ZNF827: variants seen among roughly 807,000 people sequenced by gnomAD.
ZNF827 encodes the protein zinc finger protein 827.
Under a neutral mutation model 102.4 loss-of-function variants are expected in ZNF827, and 13 were observed. That is an observed-to-expected ratio of 0.13 (90% CI 0.08 to 0.20). ZNF827 has a LOEUF of 0.20. Ranked by LOEUF, ZNF827 falls within the 10% of genes least tolerant of loss-of-function variation. ZNF827 has a pLI of 1.00. For synonymous variants in ZNF827, 523 were observed against 536.2 expected, an observed-to-expected ratio of 0.98 and a Z score of 0.34; for missense variants, 1,103 against 1,344.4, an observed-to-expected ratio of 0.82 and a Z score of 2.81.
intron 1 of ZNF827, among the ~76,000 whole-genome samples, chr4:145,904,968 G>A (rs1266179536): frequency 1.3e-5 from 2 of 152,208 alleles, no homozygotes; most frequent in Non-Finnish European, 2.9e-5. Context: ...TAGGATCCAG[G>A]TGGGGATTAT....
chr4:145,805,964 C>A (rs1242253936), intron 8 of ZNF827, among the ~76,000 whole-genome samples: 1 of 151,956 alleles, frequency 6.6e-6, no homozygotes, highest in Non-Finnish European at 1.5e-5. Flanking sequence ...CCCAAACCCC[C>A]TCTTTCCCTT....
Position 145,863,910 on chromosome 4 carries a change from T to A in ZNF827, c.1981+6335A>T, listed in dbSNP as rs993638525. 1.4e-4 allele frequency among the ~76,000 whole-genome samples: 21 copies of A among 152,256 alleles called. No homozygotes were observed. In the South Asian group the frequency reaches 3.9e-3, roughly 29 times the overall value. On this transcript the variant is annotated intron_variant, in intron 5 of 14. Transcript: ENST00000508784. ...TATGTGAATTATATTTTAATAAAGATGGGCCAGGCGCAGTGGCTCACCCCT... is the reference window on the plus strand; with the variant it reads ...TATGTGAATTATATTTTAATAAAGAAGGGCCAGGCGCAGTGGCTCACCCCT...
At chr4:145,769,371 A>G (rs777639860) in intron 11 of ZNF827, among the ~76,000 whole-genome samples, 2 of 152,178 alleles carry the variant, frequency 1.3e-5, no homozygotes, top group Non-Finnish European at 2.9e-5. Context: ...GAGACCCTGA[A>G]TCCCTGATAC....
In ZNF827 at chr4:145,760,016, G is replaced by A. The variant is rs1734275230; in HGVS notation, c.*1600C>T. 1 of 152,238 alleles carries A rather than the reference G, an allele frequency of 6.6e-6. No homozygotes were observed. Among genetic ancestry groups the A allele is most frequent in the South Asian group, 2.1e-4 (1 of 4,832 alleles). 9.4% of individuals were successfully genotyped at this position (152,238 alleles called of 1,614,324 possible). ...TAAGTTCTGTGATGTTAGCTGCAGTGCTGCGAGATATTTCTTCCAGATCAG... is the reference window on the plus strand; with the variant it reads ...TAAGTTCTGTGATGTTAGCTGCAGTACTGCGAGATATTTCTTCCAGATCAG... On this transcript the variant is annotated 3_prime_UTR_variant, in exon 15 of 15. Transcript: ENST00000508784.
chr4:145,932,029 A>C (rs1460463866), intron 1 of ZNF827, among the ~76,000 whole-genome samples: 1 of 152,174 alleles, frequency 6.6e-6, no homozygotes, highest in Non-Finnish European at 1.5e-5. Context: ...TGCGTTTATA[A>C]AAGGGGCCCT....
At chr4:145,928,334 T>C (rs891163567) in intron 1 of ZNF827, among the ~76,000 whole-genome samples, 2 of 152,184 alleles carry the variant, frequency 1.3e-5, no homozygotes, top group Non-Finnish European at 2.9e-5. Flanking sequence ...TCTGGGGGTG[T>C]TTGTATTTTT....
intron 3 of ZNF827, among the ~76,000 whole-genome samples, chr4:145,888,364 G>C (rs768348808): frequency 2.6e-5 from 4 of 152,022 alleles, no homozygotes; most frequent in Non-Finnish European, 5.9e-5. Flanking sequence ...GATCTTCTTA[G>C]TCTACTAAAA....
At chr4:145,930,206 C>G (rs1753701498) in intron 1 of ZNF827, among the ~76,000 whole-genome samples, 1 of 152,216 alleles carries the variant, frequency 6.6e-6, no homozygotes, top group Non-Finnish European at 1.5e-5. Flanking sequence ...AAACATCTAT[C>G]ACCCTCCACA....
At position 145,835,746 on chromosome 4, in the gene ZNF827, G is replaced by A. The variant is rs185449453; in HGVS notation, c.2279+10210C>T. On this transcript the variant is annotated intron_variant, in intron 7 of 14. Transcript: ENST00000508784. ...CCACTCAACGCCAGTATCCCATCCC[G>A]CAGCACGCTTTAAAAGGATTAGAGC... is the stretch of plus-strand genomic sequence containing the variant. 3.4e-3 allele frequency among the ~76,000 whole-genome samples: 401 copies of A among 117,270 alleles called. 18 individuals carry two copies. Among genetic ancestry groups the A allele is most frequent in the Middle Eastern group, 7.8e-3 (2 of 256 alleles). 76.9% of individuals were successfully genotyped at this position (117,270 alleles called of 152,430 possible). A position where few individuals can be genotyped will look rare whatever the true frequency, so the allele number is the denominator to read the frequency against.
chr4:145,893,033 G>A (rs1750726242), intron 2 of ZNF827, among the ~76,000 whole-genome samples: 1 of 152,160 alleles, frequency 6.6e-6, no homozygotes, highest in African/African-American at 2.4e-5. Flanking sequence ...GGGTCTTAAG[G>A]TCAGGGTTTT....
chr4:145,852,648 C>A (rs1746650014), intron 5 of ZNF827, among the ~76,000 whole-genome samples: 1 of 152,144 alleles, frequency 6.6e-6, no homozygotes, highest in Non-Finnish European at 1.5e-5. Context: ...ACATTTGGGG[C>A]TGGATAATCT....
At chr4:145,885,507 G>A (rs1183491214) in intron 4 of ZNF827, among the ~76,000 whole-genome samples, 171 bp downstream of exon 4, 1 of 151,774 alleles carries the variant, frequency 6.6e-6, no homozygotes, top group African/African-American at 2.4e-5. Flanking sequence ...ACAAAGTCAA[G>A]GAGAAAATGT....
chr4:145,932,042 G>A (rs1001146498), intron 1 of ZNF827, among the ~76,000 whole-genome samples: 2 of 152,156 alleles, frequency 1.3e-5, no homozygotes, highest in African/African-American at 4.8e-5. Flanking sequence ...GGGGCCCTAG[G>A]GAGCTTGTGT....
rs904305993 is a variant in ZNF827 at position 145,763,588 on chromosome 4, G to A, written c.3231-466C>T. On this transcript the variant is annotated intron_variant, in intron 13 of 14. Transcript: ENST00000508784. The surrounding 1 kb of genome is among the most constrained non-coding windows in gnomAD (Gnocchi z 4.6). ...GCTGGGGACTTTGGAGGTCCCTGAG[G>A]AAAGGCGAACTGGCAAAGCCACAAC... is the stretch of plus-strand genomic sequence containing the variant. Among the ~76,000 whole-genome samples the A allele has an allele frequency of 1.3e-5, 2 of 152,316 alleles. No homozygotes were observed. The highest frequency in any genetic ancestry group is 4.1e-4 in the South Asian group (2 of 4,820).
intron 5 of ZNF827, among the ~76,000 whole-genome samples, chr4:145,857,297 T>C (rs1314722464): frequency 2.6e-5 from 4 of 152,190 alleles, no homozygotes; most frequent in Admixed American, 2.6e-4. Context: ...AGAACAAACA[T>C]GTCTTAAAAA....
intron 2 of ZNF827, among the ~76,000 whole-genome samples, chr4:145,896,857 A>G (rs1751012695): frequency 6.6e-6 from 1 of 152,232 alleles, no homozygotes; most frequent in Non-Finnish European, 1.5e-5. Context: ...TGAACCATTT[A>G]TAATGAACAA....
chr4:145,763,480 G>T lies in ZNF827; in HGVS notation c.3231-358C>A, dbSNP rs1479231578. Among the ~76,000 whole-genome samples, 1 of 152,192 alleles carries T rather than the reference G, an allele frequency of 6.6e-6. No homozygotes were observed. The highest frequency in any genetic ancestry group is 1.5e-5 in the Non-Finnish European group (1 of 68,038). On this transcript the variant is annotated intron_variant, in intron 13 of 14. Coordinates refer to ENST00000508784, the MANE Select transcript of ZNF827 (RefSeq NM_001306215.2). This position sits in a 1 kb window ranked among gnomAD's most constrained non-coding sequence, Gnocchi z 4.6. ...TCCTAGAACATAAACTATTACACAGGGGACGGTTAGCACCGCACGGGAAGT... is the reference window on the plus strand; with the variant it reads ...TCCTAGAACATAAACTATTACACAGTGGACGGTTAGCACCGCACGGGAAGT...
chr4:145,907,344 T>C, intron 1 of ZNF827: 1 of 386,596 alleles, frequency 2.6e-6, no homozygotes, highest in Non-Finnish European at 5.0e-6. Flanking sequence ...TTTCCTAGCC[T>C]GGAATTTCCT....
chr4:145,823,400 A>G, intron 8 of ZNF827, 22 bp downstream of exon 8: 1 of 1,598,328 alleles, frequency 6.3e-7, no homozygotes, highest in Non-Finnish European at 8.6e-7. Context: ...CAGTAGAAGC[A>G]AAGCCAACAA....
Sources: allele counts gnomAD v4.1 joint callset (sites outside exome capture counted in the v4.1 genomes callset), GRCh38; gene constraint gnomAD v4.1.1; non-coding constraint Gnocchi (gnomAD v3.1); transcripts MANE v1.5; gene names NCBI Gene and HGNC (gene_info 2026-07-23, HGNC 2026-07-21).